The following APP variants were observed in gnomAD, a reference collection of about 807,000 sequenced individuals.
APP encodes amyloid-beta precursor protein.
A neutral mutation model predicts 101.4 loss-of-function variants in APP; 31 were observed. That is an observed-to-expected ratio of 0.31 (90% confidence interval 0.23 to 0.41). The LOEUF is 0.41. Among genes scored for constraint, APP ranks in the 10% least tolerant of loss-of-function variants. The pLI is 1.00. For synonymous variants in APP, 366 were observed against 364.4 expected (o/e 1.00, Z -0.05); for missense variants, 839 against 1,003.7 (o/e 0.84, Z 2.22).
intron 13 of APP, chr21:25,945,990 C>G: frequency 2.3e-6 from 1 of 443,288 alleles, no homozygotes; most frequent in Non-Finnish European, 4.5e-6. Context: ...CAAGAATAGT[C>G]TTTTTCAACA....
At chr21:26,048,521 C>T (rs2045706062) in intron 5 of APP, among the ~76,000 whole-genome samples, 2 of 152,166 alleles carry the variant, frequency 1.3e-5, no homozygotes, top group South Asian at 4.1e-4. Context: ...AAGCTTTCTA[C>T]AATATCCAAT....
intron 1 of APP, among the ~76,000 whole-genome samples, chr21:26,141,640 A>C (rs555793589): frequency 6.6e-6 from 1 of 152,296 alleles, no homozygotes; most frequent in Non-Finnish European, 1.5e-5. Context: ...ATCAATCACC[A>C]ATGCTGGCTT....
intron 2 of APP, among the ~76,000 whole-genome samples, chr21:26,093,670 G>T (rs1336795440): frequency 1.3e-5 from 2 of 152,136 alleles, no homozygotes; most frequent in Admixed American, 1.3e-4. Flanking sequence ...ACTAGTACTA[G>T]AACTTTATAC....
At chr21:25,897,279 ATC>A (rs2038127163) in intron 16 of APP, among the ~76,000 whole-genome samples, 1 of 151,960 alleles carries the variant, frequency 6.6e-6, no homozygotes, top group African/African-American at 2.4e-5. Context: ...CACCCAGCTA[ATC>A]TTTTTTGTAT....
intron 13 of APP, among the ~76,000 whole-genome samples, chr21:25,927,002 CAAAAAAAAAA>C (rs36048306): frequency 1.2e-4 from 8 of 67,268 alleles, no homozygotes; most frequent in Non-Finnish European, 1.7e-4. Context: ...GACTCCGTCT[CAAAAAAAAAA>C]AAAAAAAAAA....
chr21:26,150,367 C>G (rs2063239971), intron 1 of APP, among the ~76,000 whole-genome samples: 1 of 152,106 alleles, frequency 6.6e-6, no homozygotes, highest in African/African-American at 2.4e-5. Flanking sequence ...AAGGAGGATA[C>G]CTTCACACAG....
At chr21:25,926,444 C>T (rs1000254769) in intron 13 of APP, among the ~76,000 whole-genome samples, 1 of 152,194 alleles carries the variant, frequency 6.6e-6, no homozygotes, top group African/African-American at 2.4e-5. Flanking sequence ...CAAAGCCATA[C>T]TGTGATGGGA....
chr21:26,132,164 T>C (rs1187725707), intron 1 of APP, among the ~76,000 whole-genome samples: 1 of 152,222 alleles, frequency 6.6e-6, no homozygotes, highest in Non-Finnish European at 1.5e-5. Flanking sequence ...TGTAGTTTGC[T>C]ATGATCGAGC....
At chr21:26,114,279 A>C (rs1465795400) in intron 1 of APP, among the ~76,000 whole-genome samples, 1 of 151,942 alleles carries the variant, frequency 6.6e-6, no homozygotes, top group Non-Finnish European at 1.5e-5. Flanking sequence ...GAAATTGACA[A>C]TTTCTCTCCC....
intron 1 of APP, among the ~76,000 whole-genome samples, chr21:26,118,189 A>C (rs1485271882): frequency 6.6e-6 from 1 of 152,208 alleles, no homozygotes; most frequent in Non-Finnish European, 1.5e-5. Context: ...GTCCCTCAAT[A>C]GGAGTCTTTG....
At chr21:26,165,473 A>G (rs2063587248) in intron 1 of APP, among the ~76,000 whole-genome samples, 1 of 152,250 alleles carries the variant, frequency 6.6e-6, no homozygotes, top group Non-Finnish European at 1.5e-5. Flanking sequence ...ATTTATGCCC[A>G]TGCATTCCTG....
At chr21:25,909,635 T>G (rs890582773) in intron 14 of APP, among the ~76,000 whole-genome samples, 4 of 152,226 alleles carry the variant, frequency 2.6e-5, no homozygotes, top group Non-Finnish European at 5.9e-5. Context: ...CTAAGGCTGA[T>G]GCAACAAGGT....
At chr21:26,074,581 T>C (rs2061468018) in intron 3 of APP, among the ~76,000 whole-genome samples, 1 of 152,108 alleles carries the variant, frequency 6.6e-6, no homozygotes, top group Non-Finnish European at 1.5e-5. Context: ...TGAAACCCCC[T>C]CTCTACTAAA....
chr21:26,125,449 TC>T (rs1455235760), intron 1 of APP, among the ~76,000 whole-genome samples: 6 of 152,126 alleles, frequency 3.9e-5, no homozygotes, highest in Non-Finnish European at 8.8e-5. Context: ...TTTTGAGGGC[TC>T]CTAAAGGTAC....
chr21:25,999,992 G>A, intron 7 of APP, 23 bp downstream of exon 7: 1 of 1,613,208 alleles, frequency 6.2e-7, no homozygotes, highest in Non-Finnish European at 8.5e-7. Context: ...AAGGTGGCCA[G>A]GCTCGAAGAA....
At chr21:26,017,214 A>AAAAAAAAAAAAAAAC (rs2044131743) in intron 6 of APP, among the ~76,000 whole-genome samples, 1 of 149,780 alleles carries the variant, frequency 6.7e-6, no homozygotes, top group Non-Finnish European at 1.5e-5. Context: ...AAAAAAAAAA[A>AAAAAAAAAAAAAAAC]AAAATTCTTG....
At chr21:26,067,485 AAAG>A (rs1235155667) in intron 3 of APP, among the ~76,000 whole-genome samples, 1 of 152,228 alleles carries the variant, frequency 6.6e-6, no homozygotes, top group Non-Finnish European at 1.5e-5. Flanking sequence ...ATCTAAAGCC[AAAG>A]ACACAAACCT....
chr21:26,131,819 T>G (rs2062803423), intron 1 of APP, among the ~76,000 whole-genome samples: 1 of 152,112 alleles, frequency 6.6e-6, no homozygotes, highest in South Asian at 2.1e-4. Flanking sequence ...TTCAGAATGA[T>G]AAACCACAAA....
chr21:26,148,552 T>C (rs755797865), intron 1 of APP, among the ~76,000 whole-genome samples: 3 of 152,234 alleles, frequency 2.0e-5, no homozygotes, highest in Non-Finnish European at 4.4e-5. Flanking sequence ...TTATTCTGTT[T>C]TCAGGCATCA....
Sources: gnomAD v4.1 joint callset for allele counts (sites outside exome capture counted in the v4.1 genomes callset) on GRCh38, gnomAD v4.1.1 for gene constraint, MANE v1.5 for transcripts, NCBI Gene and HGNC (gene_info 2026-07-23, HGNC 2026-07-21) for gene names.